SLC4A10: variants seen among roughly 807,000 people sequenced by gnomAD.
The protein encoded by SLC4A10 is sodium-driven chloride bicarbonate exchanger.
A neutral mutation model predicts 137.7 loss-of-function variants in SLC4A10; 42 were observed. The observed-to-expected ratio is 0.30, with a 90% CI of 0.24 to 0.39. The LOEUF is 0.39. Among genes scored for constraint, SLC4A10 ranks in the 10% least tolerant of loss-of-function variants. The probability of loss-of-function intolerance (pLI) is 1.00; values close to 1 mark genes in which losing one functional copy is unlikely to be tolerated. For missense variants in SLC4A10, 925 were observed against 1,355.0 expected (o/e 0.68, Z 4.98); for synonymous variants, 474 against 464.1 (o/e 1.02, Z -0.27).
intron 3 of SLC4A10, among the ~76,000 whole-genome samples, chr2:161,820,872 C>A (rs1316459951): frequency 6.6e-6 from 1 of 152,082 alleles, no homozygotes; most frequent in Non-Finnish European, 1.5e-5. Flanking sequence ...AATAGATTTC[C>A]AAAATTGGGG....
chr2:161,653,039 CCCCT>C (rs1456775168), intron 1 of SLC4A10, among the ~76,000 whole-genome samples: 1 of 152,036 alleles, frequency 6.6e-6, no homozygotes, highest in African/African-American at 2.4e-5. Context: ...GTGTGATGTT[CCCCT>C]CCCTGCATCC....
At chr2:161,713,797 AAATACTTTT>A (rs2044551707) in intron 1 of SLC4A10, among the ~76,000 whole-genome samples, 1 of 151,868 alleles carries the variant, frequency 6.6e-6, no homozygotes, top group Admixed American at 6.6e-5. Context: ...CCATGTTTGC[AAATACTTTT>A]AATATCGCCT....
At chr2:161,728,655 A>G (rs1179355372) in intron 1 of SLC4A10, among the ~76,000 whole-genome samples, 1 of 152,238 alleles carries the variant, frequency 6.6e-6, no homozygotes, top group Admixed American at 6.5e-5. Flanking sequence ...CCAATTCTAC[A>G]TAATTTCTAC....
intron 15 of SLC4A10, among the ~76,000 whole-genome samples, chr2:161,918,347 G>T (rs950841360): frequency 2.0e-5 from 3 of 151,944 alleles, no homozygotes; most frequent in African/African-American, 4.8e-5. Flanking sequence ...GTAGAGACAG[G>T]GTTTTACCAT....
intron 23 of SLC4A10, among the ~76,000 whole-genome samples, chr2:161,967,612 C>G (rs116303819): frequency 6.6e-6 from 1 of 152,238 alleles, no homozygotes; most frequent in Non-Finnish European, 1.5e-5. Flanking sequence ...CTCAGTCACT[C>G]TCTCACTCAC....
intron 1 of SLC4A10, among the ~76,000 whole-genome samples, chr2:161,762,796 C>G (rs1246134945): frequency 6.6e-6 from 1 of 151,826 alleles, no homozygotes; most frequent in Non-Finnish European, 1.5e-5. Flanking sequence ...CCTTTGTTTT[C>G]TATGAAGTAT....
intron 1 of SLC4A10, among the ~76,000 whole-genome samples, chr2:161,699,194 AT>A (rs532038507): frequency 6.6e-6 from 1 of 151,696 alleles, no homozygotes; most frequent in African/African-American, 2.4e-5. Context: ...AATTTTTTGT[AT>A]TTTTTTAGTA....
At chr2:161,868,457 A>C (rs1018721456) in intron 6 of SLC4A10, among the ~76,000 whole-genome samples, 3 of 151,684 alleles carry the variant, frequency 2.0e-5, no homozygotes, top group African/African-American at 4.8e-5. Context: ...GTTTTCTCCT[A>C]TGCTAGCCCC....
chr2:161,930,517 A>G (rs1354845030), intron 15 of SLC4A10, among the ~76,000 whole-genome samples: 3 of 150,588 alleles, frequency 2.0e-5, no homozygotes, highest in African/African-American at 7.3e-5. Flanking sequence ...AGTTGTTATA[A>G]TTATACTTAC....
chr2:161,652,782 G>T (rs796753038), intron 1 of SLC4A10, among the ~76,000 whole-genome samples: 3 of 83,498 alleles, frequency 3.6e-5, no homozygotes, highest in Non-Finnish European at 7.0e-5. Context: ...GAAAACCACC[G>T]TTTATTCTTT....
At chr2:161,969,189 A>G (rs2105937771) in intron 23 of SLC4A10, among the ~76,000 whole-genome samples, 1 of 152,312 alleles carries the variant, frequency 6.6e-6, no homozygotes, top group East Asian at 1.9e-4. Context: ...TTTTCCTATC[A>G]GTAGCCCATT....
At chr2:161,719,638 T>A (rs2045388695) in intron 1 of SLC4A10, among the ~76,000 whole-genome samples, 1 of 152,236 alleles carries the variant, frequency 6.6e-6, no homozygotes. Flanking sequence ...TGATTTGCAT[T>A]TCTCTGATGA....
chr2:161,830,913 T>C (rs1213188873), intron 3 of SLC4A10, among the ~76,000 whole-genome samples: 2 of 152,164 alleles, frequency 1.3e-5, no homozygotes, highest in Admixed American at 6.5e-5. Context: ...GGGCCTGATT[T>C]GTTTGTATAT....
At chr2:161,959,989 A>C (rs776492979) in intron 21 of SLC4A10, among the ~76,000 whole-genome samples, 1 of 152,096 alleles carries the variant, frequency 6.6e-6, no homozygotes, top group African/African-American at 2.4e-5. Flanking sequence ...CTATTTGCCT[A>C]TGTAATTAGA....
At chr2:161,773,261 T>G (rs2051882824) in intron 2 of SLC4A10, among the ~76,000 whole-genome samples, 1 of 151,822 alleles carries the variant, frequency 6.6e-6, no homozygotes, top group Admixed American at 6.6e-5. Context: ...ATAATCCACA[T>G]TAATCCATCC....
intron 1 of SLC4A10, among the ~76,000 whole-genome samples, chr2:161,734,248 G>A (rs2125202134): frequency 6.6e-6 from 1 of 152,272 alleles, no homozygotes; most frequent in Admixed American, 6.5e-5. Context: ...AATCTCATCT[G>A]GAATTGTACT....
At chr2:161,770,897 T>G (rs2051504925) in intron 1 of SLC4A10, 76 bp from the exon 2 acceptor site, 1 of 993,032 alleles carries the variant, frequency 1.0e-6, no homozygotes, top group Admixed American at 2.3e-5. Context: ...AAATATTAAA[T>G]TATATCAAGG....
At chr2:161,695,122 A>G (rs1221342305) in intron 1 of SLC4A10, among the ~76,000 whole-genome samples, 1 of 152,044 alleles carries the variant, frequency 6.6e-6, no homozygotes, top group Non-Finnish European at 1.5e-5. Flanking sequence ...CTGGATAAAT[A>G]TTATAACTTT....
intron 15 of SLC4A10, among the ~76,000 whole-genome samples, chr2:161,932,382 T>G (rs1488553664): frequency 6.6e-6 from 1 of 152,218 alleles, no homozygotes; most frequent in East Asian, 1.9e-4. Flanking sequence ...ACCATGGGTA[T>G]AATGTATAAG....
Sources: gnomAD v4.1 joint callset for allele counts (sites outside exome capture counted in the v4.1 genomes callset) on GRCh38, gnomAD v4.1.1 for gene constraint, MANE v1.5 for transcripts, NCBI Gene and HGNC (gene_info 2026-07-23, HGNC 2026-07-21) for gene names.